The following ASPSCR1 variants were observed in gnomAD, a reference collection of about 807,000 sequenced individuals.
ASPSCR1 encodes ASPSCR1 tether for SLC2A4, UBX domain containing.
In ASPSCR1, 55 loss-of-function variants were observed where a neutral mutation model predicts 68.9. The ratio of observed to expected loss-of-function variants is 0.80; its 90% CI spans 0.64 to 1.00. The LOEUF (loss-of-function observed/expected upper bound fraction) is 1.00. ASPSCR1 is among the 50% of genes least tolerant of loss of function. ASPSCR1 has a pLI of 0.00. For missense variants in ASPSCR1, 765 were observed against 762.2 expected (o/e 1.00, Z -0.04); for synonymous variants, 352 against 332.6 (o/e 1.06, Z -0.63).
At chr17:81,985,031 A>G (rs1389184191) in intron 3 of ASPSCR1, among the ~76,000 whole-genome samples, 2 of 69,318 alleles carry the variant, frequency 2.9e-5, no homozygotes, top group Admixed American at 1.8e-4. Flanking sequence ...CCACACCAAC[A>G]TGCACACACC....
Position 82,017,334 on chromosome 17 carries a change from C to T in ASPSCR1, c.*12C>T. On this transcript the variant is annotated 3_prime_UTR_variant, in exon 16 of 16. Coordinates refer to ENST00000306739, the MANE Select transcript of ASPSCR1 (RefSeq NM_024083.4). ...CCAGCAAGAGGTGAGAGCTGCCAGCCTGAGGTGCCCACTCCGCCAGCCACA... is the reference window on the plus strand; with the variant it reads ...CCAGCAAGAGGTGAGAGCTGCCAGCTTGAGGTGCCCACTCCGCCAGCCACA... 6.2e-7 allele frequency: 1 copy of T among 1,611,364 alleles called. No homozygotes were observed. Among genetic ancestry groups the T allele is most frequent in the Non-Finnish European group, 8.5e-7 (1 of 1,179,910 alleles).
chr17:81,996,043 A>G lies in ASPSCR1; in HGVS notation c.484A>G (p.Thr162Ala). The change falls in exon 6 of 16, where the codon ACC becomes GCC. Residue 162 changes from threonine to alanine, a missense_variant. Transcript: ENST00000306739. ...CACGACGCTGCAGTCGCTGGGCCTG[A>G]CCGGGGGCAGCGCCACCATCAGGTA... ...RGTTLQSLGLTGGSATIRFVM... is the reference protein window; with the variant it reads ...RGTTLQSLGLAGGSATIRFVM... 1 of 1,609,674 alleles carries G rather than the reference A, an allele frequency of 6.2e-7. No individual in the cohort carries two copies. Among genetic ancestry groups the G allele is most frequent in the Non-Finnish European group, 8.5e-7 (1 of 1,178,938 alleles).
chr17:82,010,711 A>G (rs1343108683), intron 9 of ASPSCR1, 91 bp from the exon 10 acceptor site: 2 of 1,370,504 alleles, frequency 1.5e-6, no homozygotes, highest in African/African-American at 1.4e-5. Context: ...CCTGGTGTCC[A>G]TGGCCCAGCA....
chr17:82,003,671 A>G (rs912187687), intron 7 of ASPSCR1, among the ~76,000 whole-genome samples: 2 of 152,200 alleles, frequency 1.3e-5, no homozygotes, highest in Admixed American at 1.3e-4. Context: ...AAATTTGGGC[A>G]TGGAGTTTGT....
rs1311494674 is a variant in ASPSCR1 at position 81,977,660 on chromosome 17, C to T, written c.14C>T (p.Ala5Val). 3 of 1,398,248 alleles carry T rather than the reference C, an allele frequency of 2.1e-6. No individual in the cohort carries two copies. Among genetic ancestry groups the T allele is most frequent in the African/African-American group, 1.5e-5 (1 of 66,508 alleles). The allele number at this position is 1,398,248 out of a possible 1,614,324, so 86.6% of individuals were successfully genotyped here. Residue 5 changes from alanine (A) to valine (V), a missense_variant, in exon 1 of 16, where the codon GCA (alanine) becomes GTA (valine). Transcript: ENST00000306739. This position sits in a 1 kb window ranked among gnomAD's most constrained non-coding sequence, Gnocchi z 5.0. ...CGTGAGCGGAAAATGGCGGCCCCGG[C>T]AGGCGGCGGAGGCTCCGCGGTGTCG... is the stretch of plus-strand genomic sequence containing the variant. MAAP[A>V]GGGGSAVSVL...
At position 81,983,465 on chromosome 17, in the gene ASPSCR1, G is replaced by T; in HGVS notation, c.159-89G>T. On this transcript the variant is annotated intron_variant, in intron 2 of 15. Transcript: ENST00000306739. This position sits in a 1 kb window ranked among gnomAD's most constrained non-coding sequence, Gnocchi z 4.4. ...GATGGCGGGGCGTGGATGGCGGGGC[G>T]TGGATGGTGGGACGGGGATGGCGGG... The T allele has an allele frequency of 1.8e-6, 2 of 1,107,912 alleles. No homozygotes were observed. Among genetic ancestry groups the T allele is most frequent in the East Asian group, 2.6e-5 (1 of 38,772 alleles). 68.6% of individuals were successfully genotyped at this position (1,107,912 alleles called of 1,614,324 possible). A position where few individuals can be genotyped will look rare whatever the true frequency, so the allele number is the denominator to read the frequency against.
At position 82,012,643 on chromosome 17, in the gene ASPSCR1, G is replaced by A. The variant is rs575830195; in HGVS notation, c.1353+360G>A. ...AAGGGCCCGGCAGGCCTCGGAGCAG[G>A]GCTCAGGGAGCCCCAGAGGGACCAG... On this transcript the variant is annotated intron_variant, in intron 12 of 15. Coordinates refer to ENST00000306739, the MANE Select transcript of ASPSCR1 (RefSeq NM_024083.4). Among the ~76,000 whole-genome samples, 88 of 152,290 alleles carry A rather than the reference G, an allele frequency of 5.8e-4. No homozygotes were observed. The East Asian group carries it at 8.5e-3, about 15-fold the overall frequency.
intron 4 of ASPSCR1, among the ~76,000 whole-genome samples, chr17:81,988,968 G>T (rs1305079045): frequency 6.6e-6 from 1 of 152,184 alleles, no homozygotes; most frequent in African/African-American, 2.4e-5. Flanking sequence ...AGCACTTTGG[G>T]AGGCTGAGGC....
Position 82,016,972 on chromosome 17 carries a change from C to G in ASPSCR1, c.1507C>G (p.Pro503Ala). The change falls in exon 15 of 16, where the codon CCA (proline) becomes GCA (alanine). Residue 503 changes from proline (P) to alanine (A), a missense_variant. Coordinates refer to ENST00000306739, the MANE Select transcript of ASPSCR1 (RefSeq NM_024083.4). Reference protein sequence around the residue: ...YMSRAAGSPSPLPAPDPAPKS... With the variant: ...YMSRAAGSPSALPAPDPAPKS... Reference sequence around the variant, plus strand: ...GTCCAGGGCCGCCGGGTCCCCTTCCCCATTGCCAGCCCCTGACCCTGCACC... The same window carrying G: ...GTCCAGGGCCGCCGGGTCCCCTTCCGCATTGCCAGCCCCTGACCCTGCACC... 6.2e-7 allele frequency: 1 copy of G among 1,612,040 alleles called. No homozygotes were observed. Among genetic ancestry groups the G allele is most frequent in the Non-Finnish European group, 8.5e-7 (1 of 1,179,434 alleles).
intron 12 of ASPSCR1, 50 bp from the exon 13 acceptor site, chr17:82,016,426 G>T (rs567701559): frequency 5.3e-6 from 8 of 1,503,682 alleles, no homozygotes; most frequent in East Asian, 4.9e-5. Context: ...TTCACAGCAG[G>T]GGGGTGCTCT....
At chr17:81,993,588 C>T (rs2042242146) in intron 4 of ASPSCR1, among the ~76,000 whole-genome samples, 1 of 152,198 alleles carries the variant, frequency 6.6e-6, no homozygotes, top group Non-Finnish European at 1.5e-5. Flanking sequence ...CCCTGCGGCC[C>T]TGTAAGCACA....
chr17:81,987,419 G>A lies in ASPSCR1; in HGVS notation c.374+1812G>A, dbSNP rs1326723138. On this transcript the variant is annotated intron_variant, in intron 4 of 15. Coordinates refer to ENST00000306739, the MANE Select transcript of ASPSCR1 (RefSeq NM_024083.4). The surrounding 1 kb of genome is among the most constrained non-coding windows in gnomAD (Gnocchi z 5.6). ...GGAACAGAAGTCAGGAAAGATGAAC[G>A]TCTGGAAGGAAATGCCCCTGGGCCG... 6.6e-6 allele frequency among the ~76,000 whole-genome samples: 1 copy of A among 152,210 alleles called. No homozygotes were observed. The highest frequency in any genetic ancestry group is 1.5e-5 in the Non-Finnish European group (1 of 68,030).
intron 7 of ASPSCR1, among the ~76,000 whole-genome samples, chr17:82,002,541 C>T (rs1397969651): frequency 6.6e-6 from 1 of 151,912 alleles, no homozygotes; most frequent in Non-Finnish European, 1.5e-5. Context: ...AGGTGTGAGC[C>T]TCTGTGCCCA....
chr17:81,982,334 G>C (rs1229800466), intron 2 of ASPSCR1, among the ~76,000 whole-genome samples: 2 of 152,258 alleles, frequency 1.3e-5, no homozygotes, highest in African/African-American at 4.8e-5. Context: ...GAACCAGTGA[G>C]TGCGATTTTG....
intron 2 of ASPSCR1, among the ~76,000 whole-genome samples, chr17:81,980,687 G>A (rs1401531043): frequency 1.3e-5 from 2 of 152,252 alleles, no homozygotes; most frequent in Non-Finnish European, 2.9e-5. Context: ...GGAAGAATAA[G>A]ACAGGGATTT....
intron 2 of ASPSCR1, among the ~76,000 whole-genome samples, chr17:81,981,515 A>G (rs2041794712): frequency 6.6e-6 from 1 of 152,086 alleles, no homozygotes; most frequent in South Asian, 2.1e-4. Flanking sequence ...AGTAGCTGGG[A>G]TTACAGGCGT....
intron 4 of ASPSCR1, among the ~76,000 whole-genome samples, chr17:81,989,787 C>T (rs1341476234): frequency 6.6e-6 from 1 of 152,202 alleles, no homozygotes; most frequent in Non-Finnish European, 1.5e-5. Flanking sequence ...CAGCGAGCCA[C>T]ACGTCGGCCA....
Position 82,011,568 on chromosome 17 carries a change from G to C in ASPSCR1, c.1263G>C (p.Arg421Ser). Residue 421 changes from arginine to serine, a missense_variant, in exon 11 of 16, where the codon AGG becomes AGC. Physicochemically the swap from Arg to Ser is moderately radical, Grantham distance 110. Coordinates refer to ENST00000306739, the MANE Select transcript of ASPSCR1 (RefSeq NM_024083.4). ...TGGGGGACTTGCGAGACTTCGTGAG[G>C]AGCCACCTGGGGAACCCCGAGCTGT... is the stretch of plus-strand genomic sequence containing the variant. ...ETVGDLRDFV[R>S]SHLGNPELSF... 6.3e-7 allele frequency: 1 copy of C among 1,579,908 alleles called. No homozygotes were observed. The highest frequency in any genetic ancestry group is 1.2e-5 in the South Asian group (1 of 85,830).
At chr17:81,996,315 G>C in intron 6 of ASPSCR1, 105 bp from the exon 7 acceptor site, 1 of 1,481,058 alleles carries the variant, frequency 6.8e-7, no homozygotes, top group Non-Finnish European at 9.0e-7. Context: ...AACCGGGGGC[G>C]GGAGAGGGTG....
Sources: allele counts gnomAD v4.1 joint callset (sites outside exome capture counted in the v4.1 genomes callset), GRCh38; gene constraint gnomAD v4.1.1; non-coding constraint Gnocchi (gnomAD v3.1); transcripts MANE v1.5; gene names NCBI Gene and HGNC (gene_info 2026-07-23, HGNC 2026-07-21).